The following AKAP19 variants were observed in gnomAD, a reference collection of about 807,000 sequenced individuals.
The protein encoded by AKAP19 is small A-kinase anchoring protein.
the AKAP19 span, among the ~76,000 whole-genome samples, chr2:190,046,162 G>GA: frequency 0.078 from 11,849 of 152,214 alleles, 925 homozygotes; most frequent in African/African-American, 0.19. Context: ...TGTTTCAGTT[G>GA]AGGTGCTGTA....
At chr2:190,065,747 T>C in the AKAP19 span, among the ~76,000 whole-genome samples, 2 of 152,212 alleles carry the variant, frequency 1.3e-5, no homozygotes, top group African/African-American at 4.8e-5. Flanking sequence ...GTGTTGGCAA[T>C]GACTTTATAG....
At chr2:190,053,033 C>T in the AKAP19 span, among the ~76,000 whole-genome samples, 1 of 152,078 alleles carries the variant, frequency 6.6e-6, no homozygotes, top group Admixed American at 6.5e-5. Flanking sequence ...TATTATGAAG[C>T]AGAAACAATA....
the AKAP19 span, among the ~76,000 whole-genome samples, chr2:189,999,212 T>C: frequency 1.3e-5 from 2 of 152,218 alleles, no homozygotes; most frequent in Non-Finnish European, 2.9e-5. Context: ...TCAATGTATG[T>C]GTTTAAAGCT....
the AKAP19 span, among the ~76,000 whole-genome samples, chr2:190,049,615 G>A: frequency 2.0e-5 from 3 of 152,114 alleles, no homozygotes; most frequent in Non-Finnish European, 4.4e-5. Flanking sequence ...ACAATATCAC[G>A]GCCAAACAAA....
chr2:189,911,178 G>T, the AKAP19 span, among the ~76,000 whole-genome samples: 86 of 152,230 alleles, frequency 5.6e-4, no homozygotes, highest in Non-Finnish European at 1.1e-3. Context: ...CATCTTGGTT[G>T]TAAGAATTAC....
the AKAP19 span, among the ~76,000 whole-genome samples, chr2:189,995,998 C>T: frequency 6.6e-6 from 1 of 152,256 alleles, no homozygotes; most frequent in East Asian, 1.9e-4. Flanking sequence ...TTATAGGTTA[C>T]CTGATGCTTT....
the AKAP19 span, among the ~76,000 whole-genome samples, chr2:190,108,791 T>G: frequency 3.3e-5 from 5 of 151,372 alleles, no homozygotes; most frequent in South Asian, 4.2e-4. Context: ...CGGTTTTTTT[T>G]TTTTTTTTTT....
chr2:190,200,817 GT>G, the AKAP19 span: 1 of 167,178 alleles, frequency 6.0e-6, no homozygotes, highest in Non-Finnish European at 1.5e-5. Context: ...TGACATTAGT[GT>G]TTATTGCATT....
chr2:189,993,218 A>G, the AKAP19 span, among the ~76,000 whole-genome samples: 29 of 152,268 alleles, frequency 1.9e-4, no homozygotes, highest in East Asian at 4.8e-3. Context: ...GAGGGTTTTA[A>G]TCATAAATGG....
the AKAP19 span, among the ~76,000 whole-genome samples, chr2:189,899,538 A>G: frequency 1.3e-5 from 2 of 152,320 alleles, no homozygotes; most frequent in African/African-American, 2.4e-5. Flanking sequence ...TTCTTGCTGC[A>G]TGGTCTCCTT....
the AKAP19 span, among the ~76,000 whole-genome samples, chr2:190,068,405 CT>C: frequency 6.6e-6 from 1 of 152,206 alleles, no homozygotes; most frequent in Non-Finnish European, 1.5e-5. Flanking sequence ...TCTCGGCTCA[CT>C]GCAACCTCTG....
the AKAP19 span, among the ~76,000 whole-genome samples, chr2:190,025,250 A>G: frequency 2.0e-5 from 3 of 152,284 alleles, no homozygotes; most frequent in East Asian, 3.9e-4. Context: ...TGAATTATAC[A>G]CAATTTGTTA....
At chr2:190,061,153 G>A in the AKAP19 span, among the ~76,000 whole-genome samples, 1 of 151,978 alleles carries the variant, frequency 6.6e-6, no homozygotes, top group Non-Finnish European at 1.5e-5. Context: ...AGACCTATTT[G>A]ATAGCAGAGT....
the AKAP19 span, among the ~76,000 whole-genome samples, chr2:190,198,113 C>T: frequency 6.6e-6 from 1 of 152,126 alleles, no homozygotes; most frequent in Admixed American, 6.5e-5. Context: ...AAGTATGCAG[C>T]GTGAAGCAGG....
the AKAP19 span, among the ~76,000 whole-genome samples, chr2:189,966,230 G>T: frequency 6.6e-6 from 1 of 151,878 alleles, no homozygotes; most frequent in Non-Finnish European, 1.5e-5. Flanking sequence ...ACTACAAATT[G>T]GGTTCCGTGT....
chr2:190,001,797 G>T, the AKAP19 span, among the ~76,000 whole-genome samples: 1 of 152,122 alleles, frequency 6.6e-6, no homozygotes, highest in African/African-American at 2.4e-5. Context: ...GCACATATGA[G>T]TACATTTTCA....
the AKAP19 span, among the ~76,000 whole-genome samples, chr2:189,880,040 G>A: frequency 6.6e-6 from 1 of 152,170 alleles, no homozygotes; most frequent in Non-Finnish European, 1.5e-5. Flanking sequence ...GTATTCAGAT[G>A]AACGGATTTT....
the AKAP19 span, among the ~76,000 whole-genome samples, chr2:189,906,030 T>C: frequency 1.4e-3 from 215 of 152,226 alleles, no homozygotes; most frequent in Admixed American, 3.5e-3. Context: ...AATATGAATT[T>C]AGACTGTCAC....
chr2:190,178,861 C>G, the AKAP19 span, among the ~76,000 whole-genome samples: 1 of 152,180 alleles, frequency 6.6e-6, no homozygotes, highest in Admixed American at 6.5e-5. The surrounding 1 kb of genome is among the most constrained non-coding windows in gnomAD (Gnocchi z 6.3). Context: ...TCTCCTCTGC[C>G]TAGATCACAT....
Sources: gnomAD v4.1 joint callset for allele counts (sites outside exome capture counted in the v4.1 genomes callset) on GRCh38, gnomAD v4.1.1 for gene constraint, Gnocchi (gnomAD v3.1) non-coding constraint, MANE v1.5 for transcripts, NCBI Gene and HGNC (gene_info 2026-07-23, HGNC 2026-07-21) for gene names.